TLN2: variants seen among roughly 807,000 people sequenced by gnomAD.
TLN2 encodes talin-2.
TLN2 carries 118 observed loss-of-function variants against 294.7 expected under a neutral mutation model. That is an observed-to-expected ratio of 0.40 (90% CI 0.34 to 0.47). TLN2 has a LOEUF of 0.47. Ranked by LOEUF, TLN2 falls within the 20% of genes least tolerant of loss-of-function variation. The pLI is 0.84. For synonymous variants in TLN2, 1,431 were observed against 1,304.5 expected, an observed-to-expected ratio of 1.10 and a Z score of -2.09; for missense variants, 3,083 against 3,282.2, an observed-to-expected ratio of 0.94 and a Z score of 1.48.
At position 62,725,058 on chromosome 15, in the gene TLN2, A is replaced by C. The variant is rs1304372957; in HGVS notation, c.3209A>C (p.Lys1070Thr). 1 of 1,613,310 alleles carries C rather than the reference A, an allele frequency of 6.2e-7. No homozygotes were observed. The highest frequency in any genetic ancestry group is 8.5e-7 in the Non-Finnish European group (1 of 1,179,754). Residue 1070 changes from lysine (K) to threonine (T), a missense_variant, in exon 27 of 59, where the codon AAG becomes ACG. Coordinates refer to ENST00000636159, the MANE Select transcript of TLN2 (RefSeq NM_015059.3). Reference protein sequence around the residue: ...QTLKNELQDAKMAAVESQLKP... With the variant: ...QTLKNELQDATMAAVESQLKP... ...CTTAAGAATGAACTGCAGGATGCCA[A>C]GATGGCAGCCGTGGAGAGCCAGCTG...
chr15:62,641,314 T>C (rs1043791664), intron 3 of TLN2, among the ~76,000 whole-genome samples: 7 of 152,118 alleles, frequency 4.6e-5, no homozygotes, highest in East Asian at 3.9e-4. Flanking sequence ...ACTAATGTTA[T>C]TAATAATAAT....
chr15:62,484,705 G>A (rs757189644), intron 1 of TLN2, among the ~76,000 whole-genome samples: 1 of 152,118 alleles, frequency 6.6e-6, no homozygotes, highest in Non-Finnish European at 1.5e-5. Context: ...GATTACAGGC[G>A]TGAGCCACCA....
intron 58 of TLN2, 93 bp from the exon 59 acceptor site, chr15:62,840,389 C>CAGAG: frequency 6.6e-7 from 1 of 1,517,972 alleles, no homozygotes; most frequent in South Asian, 1.3e-5. Context: ...GTCCCACGGT[C>CAGAG]GCGGGAGCCG....
intron 28 of TLN2, 55 bp downstream of exon 28, chr15:62,727,244 T>C: frequency 6.6e-7 from 1 of 1,504,030 alleles, no homozygotes; most frequent in South Asian, 1.2e-5. Context: ...CTGGGTGTAG[T>C]GGGGGAGGAG....
At chr15:62,428,841 G>A (rs1566963983) in intron 1 of TLN2, among the ~76,000 whole-genome samples, 2 of 152,138 alleles carry the variant, frequency 1.3e-5, no homozygotes, top group East Asian at 1.9e-4. Flanking sequence ...ATGTTATAAT[G>A]TGTGCTTATT....
chr15:62,718,927 G>A (rs2059954971), intron 24 of TLN2, among the ~76,000 whole-genome samples: 1 of 152,192 alleles, frequency 6.6e-6, no homozygotes, highest in Non-Finnish European at 1.5e-5. Flanking sequence ...AGAACTAGCA[G>A]AACTGGCAGT....
chr15:62,516,113 G>A (rs1213906462), intron 1 of TLN2, among the ~76,000 whole-genome samples: 1 of 152,210 alleles, frequency 6.6e-6, no homozygotes, highest in African/African-American at 2.4e-5. Context: ...GTGGAGACCT[G>A]GGTTTAGAGA....
chr15:62,419,694 C>A (rs1449860069), intron 1 of TLN2, among the ~76,000 whole-genome samples: 1 of 151,940 alleles, frequency 6.6e-6, no homozygotes, highest in African/African-American at 2.4e-5. Context: ...GTCACCCAGG[C>A]TGGAGTGCAT....
chr15:62,490,325 AGTT>A (rs1379370956), intron 1 of TLN2, among the ~76,000 whole-genome samples: 12 of 152,322 alleles, frequency 7.9e-5, no homozygotes, highest in Admixed American at 5.9e-4. Flanking sequence ...TTGTTCTGGC[AGTT>A]GTTAATGCTT....
At chr15:62,440,788 T>C (rs2140304376) in intron 1 of TLN2, among the ~76,000 whole-genome samples, 1 of 152,292 alleles carries the variant, frequency 6.6e-6, no homozygotes, top group Middle Eastern at 3.4e-3. Flanking sequence ...TCTTATCCCT[T>C]CAAAAGTTTA....
intron 1 of TLN2, among the ~76,000 whole-genome samples, chr15:62,526,805 GT>G (rs2140485758): frequency 6.6e-6 from 1 of 152,262 alleles, no homozygotes. Context: ...TAATGTAGGG[GT>G]TATAGATGCC....
rs1166590069 is a variant in TLN2 at position 62,836,197 on chromosome 15, T to G, written c.7374+124T>G. 8.8e-6 allele frequency: 12 copies of G among 1,366,362 alleles called. No individual in the cohort carries two copies. In the Admixed American group the frequency reaches 1.0e-4, roughly 12 times the overall value. The allele number at this position is 1,366,362 out of a possible 1,614,324, so 84.6% of individuals were successfully genotyped here. A position where few individuals can be genotyped will look rare whatever the true frequency, so the allele number is the denominator to read the frequency against. ...CTTCCATCAGCCAGCCCTGTCCACG[T>G]TCCAGCCTCATCTACTGCGTGCGTC... On this transcript the variant is annotated intron_variant, in intron 57 of 58. Transcript: ENST00000636159.
intron 51 of TLN2, among the ~76,000 whole-genome samples, chr15:62,806,605 G>C (rs940095980): frequency 2.0e-5 from 3 of 152,230 alleles, no homozygotes; most frequent in Non-Finnish European, 4.4e-5. Flanking sequence ...TCCTTAGGTA[G>C]ATAGTTGGAG....
chr15:62,720,787 T>C (rs1183449078), intron 25 of TLN2, among the ~76,000 whole-genome samples: 1 of 152,168 alleles, frequency 6.6e-6, no homozygotes, highest in Non-Finnish European at 1.5e-5. Flanking sequence ...ATGACTATAC[T>C]CTTCATTTAA....
At chr15:62,408,304 T>G (rs2033547583) in intron 1 of TLN2, among the ~76,000 whole-genome samples, 1 of 152,212 alleles carries the variant, frequency 6.6e-6, no homozygotes, top group Admixed American at 6.5e-5. Flanking sequence ...TTAACTAAAG[T>G]GTGTTCGAGC....
intron 1 of TLN2, among the ~76,000 whole-genome samples, chr15:62,577,260 A>G (rs1017024901): frequency 6.6e-6 from 1 of 152,218 alleles, no homozygotes. Context: ...CCTGACCAAC[A>G]TGGAGAAACC....
chr15:62,475,574 G>A (rs950781025), intron 1 of TLN2, among the ~76,000 whole-genome samples: 1 of 152,188 alleles, frequency 6.6e-6, no homozygotes, highest in African/African-American at 2.4e-5. Flanking sequence ...GGGTAAACCT[G>A]ATGTATGGAA....
chr15:62,840,488 G>T lies in TLN2; in HGVS notation c.7507G>T (p.Ala2503Ser), dbSNP rs199823044. 5 of 1,613,942 alleles carry T rather than the reference G, an allele frequency of 3.1e-6. No individual in the cohort carries two copies. ...CTTGTTGCTTTCTTTCTAGATCATC[G>T]CCGCCCAGGAAGAAATGCTAAAGAA... ...KFVGGIAQIIAAQEEMLKKER... is the reference protein window; with the variant it reads ...KFVGGIAQIISAQEEMLKKER... Residue 2503 changes from alanine to serine, a missense_variant, in exon 59 of 59, where the codon GCC (alanine) becomes TCC (serine). Coordinates refer to ENST00000636159, the MANE Select transcript of TLN2 (RefSeq NM_015059.3).
chr15:62,484,237 G>T (rs1356865370), intron 1 of TLN2, among the ~76,000 whole-genome samples: 1 of 152,136 alleles, frequency 6.6e-6, no homozygotes, highest in Non-Finnish European at 1.5e-5. Flanking sequence ...AGTGCTCTGG[G>T]CCACTGGTGT....
Sources: gnomAD v4.1 joint callset for allele counts (sites outside exome capture counted in the v4.1 genomes callset) on GRCh38, gnomAD v4.1.1 for gene constraint, MANE v1.5 for transcripts, NCBI Gene and HGNC (gene_info 2026-07-23, HGNC 2026-07-21) for gene names.